PILRA: variants seen among roughly 807,000 people sequenced by gnomAD.
The protein encoded by PILRA is paired immunoglobin like type 2 receptor alpha, also known as paired immunoglobulin-like type 2 receptor alpha.
A neutral mutation model predicts 33.1 loss-of-function variants in PILRA; 37 were observed. The ratio of observed to expected loss-of-function variants is 1.12; its 90% CI spans 0.86 to 1.47. PILRA has a LOEUF of 1.47. PILRA is among the 40% of genes most tolerant of loss of function. PILRA has a pLI of 0.00. For missense variants in PILRA, 312 were observed against 376.2 expected (o/e 0.83, Z 1.41); for synonymous variants, 146 against 149.9 (o/e 0.97, Z 0.19).
intron 5 of PILRA, 39 bp from the exon 6 acceptor site, chr7:100,399,542 C>T (rs572150566): frequency 4.5e-5 from 73 of 1,612,856 alleles, no homozygotes; most frequent in East Asian, 4.0e-4. Context: ...CTGGCTGTCA[C>T]GCCACCTGAC....
At chr7:100,399,008 C>T (rs1399869950) in intron 4 of PILRA, among the ~76,000 whole-genome samples, 2 of 151,874 alleles carry the variant, frequency 1.3e-5, no homozygotes, top group Admixed American at 6.6e-5. Context: ...GTGGCGCAAT[C>T]ATAGCTCACA....
Position 100,399,319 on chromosome 7 carries a change from T to C in PILRA, c.736T>C (p.Tyr246His). Residue 246 changes from tyrosine (Y) to histidine (H), a missense_variant, in exon 5 of 7, where the codon TAT becomes CAT. Physicochemically the swap from Tyr to His is moderately conservative, Grantham distance 83. Coordinates refer to ENST00000198536, the MANE Select transcript of PILRA (RefSeq NM_013439.3). Reference protein sequence around the residue: ...REPFQNTEEPYENIRNEGQNT... With the variant: ...REPFQNTEEPHENIRNEGQNT... The stretch of plus-strand genomic sequence containing the variant: ...ACCCTTCCAAAACACAGAGGAGCCA[T>C]ATGAGAATATCAGGAATGAAGGTGA... 1 of 1,612,702 alleles carries C rather than the reference T, an allele frequency of 6.2e-7. No individual in the cohort carries two copies. Among genetic ancestry groups the C allele is most frequent in the Non-Finnish European group, 8.5e-7 (1 of 1,178,828 alleles).
chr7:100,375,162 C>A (rs988857384), intron 2 of PILRA, among the ~76,000 whole-genome samples: 4 of 152,204 alleles, frequency 2.6e-5, no homozygotes, highest in African/African-American at 9.6e-5. Context: ...TCCAGCCGTG[C>A]TCTCCCTGTC....
At chr7:100,397,746 TG>T in intron 3 of PILRA, 132 bp from the exon 4 acceptor site, 1 of 858,936 alleles carries the variant, frequency 1.2e-6, no homozygotes, top group South Asian at 1.6e-5. Flanking sequence ...CCCTTCCTGA[TG>T]GGTTTGGGTG....
chr7:100,380,408 C>T (rs1791063131), intron 2 of PILRA, among the ~76,000 whole-genome samples: 2 of 152,212 alleles, frequency 1.3e-5, no homozygotes, highest in Admixed American at 6.5e-5. Flanking sequence ...AGCTAAGAGA[C>T]CTCGTGCATG....
intron 2 of PILRA, among the ~76,000 whole-genome samples, chr7:100,382,844 A>G (rs1011679286): frequency 3.9e-5 from 6 of 152,226 alleles, no homozygotes; most frequent in Admixed American, 2.0e-4. Context: ...CCACGAACCC[A>G]TAAAAAGGAA....
At chr7:100,394,685 C>A in intron 3 of PILRA, among the ~76,000 whole-genome samples, 1 of 151,704 alleles carries the variant, frequency 6.6e-6, no homozygotes, top group Non-Finnish European at 1.5e-5. Context: ...GAAATAAACC[C>A]TTGCGCATAT....
intron 3 of PILRA, among the ~76,000 whole-genome samples, chr7:100,391,855 T>A (rs1791396767): frequency 6.6e-6 from 1 of 152,170 alleles, no homozygotes; most frequent in Admixed American, 6.5e-5. Flanking sequence ...ATTTGGGATC[T>A]GTTACACTGG....
At chr7:100,373,216 G>C (rs1790858940), upstream of PILRA, among the ~76,000 whole-genome samples, 1 of 152,132 alleles carries the variant, frequency 6.6e-6, no homozygotes, top group African/African-American at 2.4e-5. Flanking sequence ...AGAGATTCAG[G>C]CCTGCCTTTC....
chr7:100,389,628 AGGAG>A (rs1393952875), intron 2 of PILRA, among the ~76,000 whole-genome samples: 7 of 150,986 alleles, frequency 4.6e-5, no homozygotes, highest in South Asian at 2.1e-4. Context: ...GAAAGAAGGA[AGGAG>A]GGAGGGAGGG....
At position 100,374,177 on chromosome 7, in the gene PILRA, C is replaced by A. The variant is rs773561675; in HGVS notation, c.198C>A (p.Asp66Glu). Residue 66 changes from aspartate to glutamate, a missense_variant, in exon 2 of 7, where the codon GAC (aspartate) becomes GAA (glutamate). By Grantham distance (45) the Asp-to-Glu change is conservative. Transcript: ENST00000198536. ...CCTGGGAGTTAGCCACAGCTCCCGA[C>A]GTGAGAATATCCTGGAGACGGGGCC... The part of the protein sequence containing the change: ...YYPWELATAP[D>E]VRISWRRGHF... The A allele has an allele frequency of 3.7e-6, 6 of 1,614,002 alleles. No individual in the cohort carries two copies. Among genetic ancestry groups the A allele is most frequent in the East Asian group, 2.2e-5 (1 of 44,892 alleles).
Position 100,400,068 on chromosome 7 carries a change from T to G in PILRA, c.*161T>G, listed in dbSNP as rs1455650731. 1 of 551,732 alleles carries G rather than the reference T, an allele frequency of 1.8e-6. No individual in the cohort carries two copies. The highest frequency in any genetic ancestry group is 2.9e-6 in the Non-Finnish European group (1 of 342,126). 34.2% of individuals were successfully genotyped at this position (551,732 alleles called of 1,614,324 possible). On this transcript the variant is annotated 3_prime_UTR_variant, in exon 7 of 7. Coordinates refer to ENST00000198536, the MANE Select transcript of PILRA (RefSeq NM_013439.3). ...GATGCCATCTCTAGTTAAAAATATATATTAACAATAAAGTAACAAATTTAA... is the reference window on the plus strand; with the variant it reads ...GATGCCATCTCTAGTTAAAAATATAGATTAACAATAAAGTAACAAATTTAA...
At chr7:100,393,100 T>C (rs2130228543) in intron 3 of PILRA, among the ~76,000 whole-genome samples, 1 of 152,130 alleles carries the variant, frequency 6.6e-6, no homozygotes, top group Admixed American at 6.5e-5. Flanking sequence ...GTCAACATGG[T>C]GAAACCCCGT....
intron 2 of PILRA, among the ~76,000 whole-genome samples, chr7:100,385,475 C>T (rs781338526): frequency 1.3e-5 from 2 of 152,180 alleles, no homozygotes; most frequent in Non-Finnish European, 2.9e-5. Context: ...GTCCCTACCA[C>T]TTTGTGTGGA....
At chr7:100,378,238 G>A (rs1424913114) in intron 2 of PILRA, among the ~76,000 whole-genome samples, 1 of 151,972 alleles carries the variant, frequency 6.6e-6, no homozygotes, top group Non-Finnish European at 1.5e-5. Context: ...TATGGTCCCA[G>A]CTACTCAGGA....
intron 2 of PILRA, among the ~76,000 whole-genome samples, chr7:100,383,499 G>A (rs868779866): frequency 7.9e-5 from 12 of 152,216 alleles, no homozygotes; most frequent in African/African-American, 2.7e-4. Context: ...AGACAGGGAA[G>A]AGGCAGAGGG....
At chr7:100,393,980 T>C (rs965401478) in intron 3 of PILRA, among the ~76,000 whole-genome samples, 1 of 152,136 alleles carries the variant, frequency 6.6e-6, no homozygotes, top group Admixed American at 6.5e-5. Context: ...TAGAATTTGG[T>C]CACATATCCC....
Position 100,399,999 on chromosome 7 carries a change from C to G in PILRA, c.*92C>G. On this transcript the variant is annotated 3_prime_UTR_variant, in exon 7 of 7. Coordinates refer to ENST00000198536, the MANE Select transcript of PILRA (RefSeq NM_013439.3). Reference sequence around the variant, plus strand: ...GCTACTCTGAAGCCTGAGGCAGAATCAAGTGAGCCCAGGAGTTCAGGGCCA... The same window carrying G: ...GCTACTCTGAAGCCTGAGGCAGAATGAAGTGAGCCCAGGAGTTCAGGGCCA... 7.4e-7 allele frequency: 1 copy of G among 1,342,536 alleles called. No homozygotes were observed. The highest frequency in any genetic ancestry group is 9.9e-7 in the Non-Finnish European group (1 of 1,011,622). The allele number at this position is 1,342,536 out of a possible 1,614,324, so 83.2% of individuals were successfully genotyped here.
rs776087806 is a variant in PILRA, at chr7:100,393,315, GA to G, written c.673+3210del. Among the ~76,000 whole-genome samples, 21 of 151,750 alleles carry G rather than the reference GA, an allele frequency of 1.4e-4. No individual in the cohort carries two copies. In the East Asian group the frequency reaches 3.7e-3, roughly 27 times the overall value. ...AAAAAAATTAAAATCAACCACTTAT[GA>G]TTTTTTTTTTAATTCTGCAGAACAA... On this transcript the variant is annotated intron_variant, in intron 3 of 6. Transcript: ENST00000198536.
Sources: gnomAD v4.1 joint callset for allele counts (sites outside exome capture counted in the v4.1 genomes callset) on GRCh38, gnomAD v4.1.1 for gene constraint, MANE v1.5 for transcripts, NCBI Gene and HGNC (gene_info 2026-07-23, HGNC 2026-07-21) for gene names.